The following ACRBP variants were observed in gnomAD, a reference collection of about 807,000 sequenced individuals.
The protein encoded by ACRBP is acrosin binding protein.
Under a neutral mutation model 69.0 loss-of-function variants are expected in ACRBP, and 52 were observed. The ratio of observed to expected loss-of-function variants is 0.75; its 90% CI spans 0.60 to 0.95. ACRBP has a LOEUF of 0.95. ACRBP is among the 40% of genes least tolerant of loss of function. ACRBP has a pLI of 0.00. For synonymous variants in ACRBP, 267 were observed against 258.9 expected, an observed-to-expected ratio of 1.03 and a Z score of -0.30; for missense variants, 604 against 673.0, an observed-to-expected ratio of 0.90 and a Z score of 1.13.
chr12:6,643,691 A>G lies in ACRBP; in HGVS notation c.945-20T>C. On this transcript the variant is annotated intron_variant, in intron 5 of 9. Coordinates refer to ENST00000229243, the MANE Select transcript of ACRBP (RefSeq NM_032489.3). ...AGGAGGCTGCAAGAAGACAGCACTG[A>G]GGGTGGGGCTGGGCCAGGTGGCCCG... is the stretch of plus-strand genomic sequence containing the variant. 1 of 1,610,784 alleles carries G rather than the reference A, an allele frequency of 6.2e-7. No homozygotes were observed. The highest frequency in any genetic ancestry group is 8.5e-7 in the Non-Finnish European group (1 of 1,177,412).
At chr12:6,643,439 A>ATGCTTCTCC (rs1949066863) in intron 6 of ACRBP, 100 bp downstream of exon 6, 1 of 1,495,690 alleles carries the variant, frequency 6.7e-7, no homozygotes, top group Non-Finnish European at 9.1e-7. Flanking sequence ...GCTATGTCTC[A>ATGCTTCTCC]TGCTTCTCCT....
At chr12:6,638,890 G>T in intron 9 of ACRBP, 64 bp downstream of exon 9, 1 of 1,602,142 alleles carries the variant, frequency 6.2e-7, no homozygotes, top group South Asian at 1.1e-5. Flanking sequence ...CCTCAGAATA[G>T]ACCAGTTATG....
At chr12:6,647,134 CG>C (rs1327475186) in intron 1 of ACRBP, 122 bp from the exon 2 acceptor site, 8 of 1,102,858 alleles carry the variant, frequency 7.3e-6, no homozygotes, top group Non-Finnish European at 1.1e-5. Flanking sequence ...CTGACCAGGG[CG>C]GGGGGAGTCT....
chr12:6,644,303 A>G lies in ACRBP; in HGVS notation c.778T>C (p.Ser260Pro), dbSNP rs760974794. 6.2e-7 allele frequency: 1 copy of G among 1,614,126 alleles called. No individual in the cohort carries two copies. Among genetic ancestry groups the G allele is most frequent in the Non-Finnish European group, 8.5e-7 (1 of 1,180,036 alleles). ...TDSEPKFHSE[S>P]LSSNPSSFAP... ...AAAGAGGAAGGGTTAGAAGATAGAG[A>G]TTCAGAGTGAAACTTGGGCTCTGAG... The change falls in exon 5 of 10, where the codon TCT becomes CCT. Residue 260 changes from serine to proline, a missense_variant. By Grantham distance (74) the Ser-to-Pro change is moderately conservative. Coordinates refer to ENST00000229243, the MANE Select transcript of ACRBP (RefSeq NM_032489.3).
At position 6,639,607 on chromosome 12, in the gene ACRBP, CAG is replaced by C. The variant is rs758249707; in HGVS notation, c.1425+451_1425+452del. Among the ~76,000 whole-genome samples the C allele has an allele frequency of 7.2e-5, 11 of 152,304 alleles. No homozygotes were observed. The East Asian group carries it at 2.1e-3, about 29-fold the overall frequency. ...AGGTCATTCCACAGGGGAGGTAACT[CAG>C]GGGAACGGGGAGCCAAGTTGATTTA... On this transcript the variant is annotated intron_variant, in intron 8 of 9. Transcript: ENST00000229243.
At chr12:6,646,635 G>A in intron 2 of ACRBP, 58 bp from the exon 3 acceptor site, 2 of 1,554,026 alleles carry the variant, frequency 1.3e-6, no homozygotes, top group South Asian at 1.1e-5. Context: ...GTGGGGCTGT[G>A]GGCAATGGAC....
chr12:6,638,581 G>T, intron 9 of ACRBP, 177 bp from the exon 10 acceptor site: 1 of 1,209,482 alleles, frequency 8.3e-7, no homozygotes, highest in Non-Finnish European at 1.1e-6. Context: ...ACATCAAGCA[G>T]CCCAACCCCT....
At chr12:6,645,666 G>GTTTTTTTTTTTTTTT (rs3054294) in intron 3 of ACRBP, among the ~76,000 whole-genome samples, 1 of 142,742 alleles carries the variant, frequency 7.0e-6, no homozygotes, top group Non-Finnish European at 1.5e-5. Context: ...TGTTTTTTTT[G>GTTTTTTTTTTTTTTT]TTTTTTTTTT....
At position 6,644,539 on chromosome 12, in the gene ACRBP, T is replaced by G. The variant is rs113186788; in HGVS notation, c.542A>C (p.Gln181Pro). 3.1e-6 allele frequency: 5 copies of G among 1,613,960 alleles called. No individual in the cohort carries two copies. The African/African-American group carries it at 5.3e-5, about 17-fold the overall frequency. Residue 181 changes from glutamine to proline, a missense_variant, in exon 5 of 10, where the codon CAA (glutamine) becomes CCA (proline). This residue lies in a region of ACRBP where 532 missense variants were observed against 562.9 expected (regional missense o/e 0.95). Coordinates refer to ENST00000229243, the MANE Select transcript of ACRBP (RefSeq NM_032489.3). Reference protein sequence around the residue: ...RLSNNVEELLQSSLSLGGQEQ... With the variant: ...RLSNNVEELLPSSLSLGGQEQ... ...CTGGCCTCCCAGGGACAAGGAGGAT[T>G]GTAGGAGCTCTTCCACGTTGTTGCT...
At chr12:6,639,122 G>T in intron 8 of ACRBP, 85 bp from the exon 9 acceptor site, 3 of 1,288,216 alleles carry the variant, frequency 2.3e-6, no homozygotes, top group South Asian at 2.4e-5. Flanking sequence ...CTAGGGCAGA[G>T]CCAGGGGCAG....
In ACRBP at chr12:6,640,450, G is replaced by A. The variant is rs767089367; in HGVS notation, c.1150C>T (p.Gln384Ter). 12 of 1,614,142 alleles carry A rather than the reference G, an allele frequency of 7.4e-6. No individual in the cohort carries two copies. The highest frequency in any genetic ancestry group is 1.3e-5 in the African/African-American group (1 of 75,044). Residue 384 changes from glutamine to a stop codon, truncating the protein, a stop_gained, in exon 7 of 10, where the codon CAG becomes TAG. Transcript: ENST00000229243. LOFTEE classifies it high-confidence loss of function. The surrounding 1 kb of genome is among the most constrained non-coding windows in gnomAD (Gnocchi z 5.3). ...TGCAGGCTGGCCTCTGAGTGGCACT[G>A]CTCCAGCTTCAAGGAGCAGAAGTCA... is the stretch of plus-strand genomic sequence containing the variant. ...LCDFCSLKLEQCHSEASLQRQ... is the reference protein window; with the variant it reads ...LCDFCSLKLE
rs758355166 is a variant in ACRBP at position 6,647,334 on chromosome 12, T to C, written c.33A>G (p.Ser11=). The change falls in exon 1 of 10, where the codon TCA becomes TCG. Residue 11 remains serine (S), a synonymous_variant. Transcript: ENST00000229243. ...GTGTAAACCTCTCACCCTTCAGGAG[T>C]GAGGGAAGGAAGCCAGCGGCTGGCT... MRKPAAGFLP[S]LLKVLLLPLA... is the part of the protein sequence containing the mutation. 6.5e-7 allele frequency: 1 copy of C among 1,545,972 alleles called. No homozygotes were observed. Among genetic ancestry groups the C allele is most frequent in the Admixed American group, 2.1e-5 (1 of 48,244 alleles).
intron 6 of ACRBP, among the ~76,000 whole-genome samples, chr12:6,641,413 T>A (rs1949052192): frequency 6.6e-6 from 1 of 152,170 alleles, no homozygotes; most frequent in African/African-American, 2.4e-5. Context: ...GCCAGAAATC[T>A]TTATTGGATT....
chr12:6,638,945 G>A lies in ACRBP; in HGVS notation c.1509+9C>T, dbSNP rs1292568924. The A allele has an allele frequency of 3.1e-6, 5 of 1,613,334 alleles. No homozygotes were observed. Among genetic ancestry groups the A allele is most frequent in the Non-Finnish European group, 4.2e-6 (5 of 1,179,642 alleles). Reference sequence around the variant, plus strand: ...CTGGGAGAAGGAGGGGCAGGGCAGGGGTGCTCACCTTCCGATTGCGGTTTC... The same window carrying A: ...CTGGGAGAAGGAGGGGCAGGGCAGGAGTGCTCACCTTCCGATTGCGGTTTC... On this transcript the variant is annotated intron_variant, in intron 9 of 9. Coordinates refer to ENST00000229243, the MANE Select transcript of ACRBP (RefSeq NM_032489.3).
At chr12:6,645,717 G>C (rs1178965203) in intron 3 of ACRBP, among the ~76,000 whole-genome samples, 1 of 149,486 alleles carries the variant, frequency 6.7e-6, no homozygotes, top group East Asian at 2.0e-4. Context: ...CTGGAGTGCA[G>C]TGGCGCGATC....
In ACRBP at chr12:6,640,546, C is replaced by A; in HGVS notation, c.1078-24G>T. On this transcript the variant is annotated intron_variant, in intron 6 of 9. Transcript: ENST00000229243. This position sits in a 1 kb window ranked among gnomAD's most constrained non-coding sequence, Gnocchi z 5.3. Reference sequence around the variant, plus strand: ...ACCTGGGGCAGGGGAATGGGTGAGGCTGAAGCTGAGAGTCAGCGGCCTGCC... The same window carrying A: ...ACCTGGGGCAGGGGAATGGGTGAGGATGAAGCTGAGAGTCAGCGGCCTGCC... 1 of 1,606,670 alleles carries A rather than the reference C, an allele frequency of 6.2e-7. No homozygotes were observed. The highest frequency in any genetic ancestry group is 8.5e-7 in the Non-Finnish European group (1 of 1,175,244).
intron 2 of ACRBP, 40 bp from the exon 3 acceptor site, chr12:6,646,617 A>G: frequency 6.3e-7 from 1 of 1,591,066 alleles, no homozygotes. Context: ...ACCCGTGGGG[A>G]GCTTGGGGTG....
chr12:6,647,065 G>C, intron 1 of ACRBP, 53 bp from the exon 2 acceptor site: 1 of 1,506,428 alleles, frequency 6.6e-7, no homozygotes, highest in Non-Finnish European at 9.1e-7. Flanking sequence ...AACCCGCTCC[G>C]AGACCAGGAC....
intron 6 of ACRBP, among the ~76,000 whole-genome samples, chr12:6,642,758 G>A (rs773974716): frequency 3.9e-5 from 6 of 152,156 alleles, no homozygotes; most frequent in Non-Finnish European, 7.3e-5. Context: ...CTGAGCTCTC[G>A]AAAAATGTTT....
Sources: allele counts gnomAD v4.1 joint callset (sites outside exome capture counted in the v4.1 genomes callset), GRCh38; gene constraint gnomAD v4.1.1; regional missense constraint gnomAD v4.1.1; non-coding constraint Gnocchi (gnomAD v3.1); transcripts MANE v1.5; gene names NCBI Gene and HGNC (gene_info 2026-07-23, HGNC 2026-07-21).